NCOA3: variants seen among roughly 807,000 people sequenced by gnomAD.
NCOA3 encodes the protein nuclear receptor coactivator 3.
In NCOA3, 51 loss-of-function variants were observed where a neutral mutation model predicts 158.8. The observed-to-expected ratio is 0.32, with a 90% CI of 0.26 to 0.41. The LOEUF is 0.41. NCOA3 is among the 10% of genes least tolerant of loss of function. The pLI, the probability that NCOA3 is intolerant of heterozygous loss-of-function variation, is 1.00. For missense variants in NCOA3, 1,510 were observed against 1,746.6 expected (o/e 0.86, Z 2.41); for synonymous variants, 537 against 592.4 (o/e 0.91, Z 1.36).
intron 1 of NCOA3, among the ~76,000 whole-genome samples, chr20:47,505,489 T>C (rs2084017711): frequency 6.6e-6 from 1 of 152,120 alleles, no homozygotes; most frequent in Non-Finnish European, 1.5e-5. Flanking sequence ...AACAGCAAAT[T>C]TGTCACAATT....
At chr20:47,507,038 T>G (rs1160369620) in intron 1 of NCOA3, among the ~76,000 whole-genome samples, 1 of 152,198 alleles carries the variant, frequency 6.6e-6, no homozygotes, top group Non-Finnish European at 1.5e-5. Context: ...CCTGGGGCTT[T>G]GCTTTGGTGG....
In NCOA3 at chr20:47,653,731, C is replaced by A; in HGVS notation, c.*314C>A. The A allele has an allele frequency of 2.7e-6, 1 of 376,782 alleles. No individual in the cohort carries two copies. Among genetic ancestry groups the A allele is most frequent in the Non-Finnish European group, 4.7e-6 (1 of 211,612 alleles). 23.3% of individuals were successfully genotyped at this position (376,782 alleles called of 1,614,324 possible). ...TACTGATCATAAAACTTTTGTGTCACTTTTTTCTGCCTTGCTAGCCAAAAT... is the reference window on the plus strand; with the variant it reads ...TACTGATCATAAAACTTTTGTGTCAATTTTTTCTGCCTTGCTAGCCAAAAT... On this transcript the variant is annotated 3_prime_UTR_variant, in exon 23 of 23. Coordinates refer to ENST00000371998, the MANE Select transcript of NCOA3 (RefSeq NM_181659.3).
intron 16 of NCOA3, 74 bp from the exon 17 acceptor site, chr20:47,642,139 G>T: frequency 9.2e-7 from 1 of 1,081,892 alleles, no homozygotes; most frequent in Non-Finnish European, 1.3e-6. Context: ...AAAATACTAT[G>T]CATGGTTGCT....
chr20:47,582,547 TG>T (rs1555807418), intron 1 of NCOA3, among the ~76,000 whole-genome samples: 1 of 151,862 alleles, frequency 6.6e-6, no homozygotes, highest in Non-Finnish European at 1.5e-5. Flanking sequence ...TTTTTTTGTG[TG>T]TGGAGATGGT....
intron 2 of NCOA3, among the ~76,000 whole-genome samples, chr20:47,588,233 C>T (rs1373949899): frequency 7.3e-6 from 1 of 136,216 alleles, no homozygotes; most frequent in Non-Finnish European, 1.5e-5. Flanking sequence ...CTTCTGGGTT[C>T]ATGGGATTCT....
At position 47,627,690 on chromosome 20, in the gene NCOA3, A is replaced by G. The variant is rs2086345234; in HGVS notation, c.662A>G (p.Tyr221Cys). 6.2e-7 allele frequency: 1 copy of G among 1,614,222 alleles called. No individual in the cohort carries two copies. The highest frequency in any genetic ancestry group is 8.5e-7 in the Non-Finnish European group (1 of 1,180,032). ...GCCAGTCCTGAAATGCGCCAGAGAT[A>G]TGAAACAATGCAGTGCTTTGCCCTG... The part of the protein sequence containing the change: ...INASPEMRQR[Y>C]ETMQCFALSQ... The change falls in exon 7 of 23, where the codon TAT (tyrosine) becomes TGT (cysteine). Residue 221 changes from tyrosine (Y) to cysteine (C), a missense_variant. Coordinates refer to ENST00000371998, the MANE Select transcript of NCOA3 (RefSeq NM_181659.3).
intron 2 of NCOA3, among the ~76,000 whole-genome samples, chr20:47,585,904 T>C (rs972773277): frequency 6.6e-6 from 1 of 151,546 alleles, no homozygotes; most frequent in Non-Finnish European, 1.5e-5. Context: ...CTTCTGAACA[T>C]GGCAGAGAAC....
rs554389573 is a variant in NCOA3 at position 47,565,109 on chromosome 20, G to T, written c.-98-18074G>T. Among the ~76,000 whole-genome samples the T allele has an allele frequency of 3.9e-5, 6 of 152,210 alleles. No individual in the cohort carries two copies. In the South Asian group the frequency reaches 1.0e-3, roughly 26 times the overall value. On this transcript the variant is annotated intron_variant, in intron 1 of 22. Transcript: ENST00000371998. ...CAATTCTCCTGCCTCAGCCTCCAGA[G>T]TAGCTGGGATTACAGGCATGTGCCA...
At chr20:47,609,722 C>T (rs1189243855) in intron 2 of NCOA3, among the ~76,000 whole-genome samples, 3 of 150,168 alleles carry the variant, frequency 2.0e-5, no homozygotes, top group African/African-American at 7.4e-5. Flanking sequence ...GGGCGAGACT[C>T]CGTCTCAAAA....
chr20:47,631,212 T>A (rs2086411900), intron 8 of NCOA3: 1 of 152,256 alleles, frequency 6.6e-6, no homozygotes, highest in African/African-American at 2.4e-5. Context: ...CTGAATTTTC[T>A]AAGGGCAGTT....
chr20:47,576,624 A>G (rs1434340350), intron 1 of NCOA3, among the ~76,000 whole-genome samples: 1 of 152,228 alleles, frequency 6.6e-6, no homozygotes, highest in Non-Finnish European at 1.5e-5. Context: ...CTTAAAAAAA[A>G]TAAAAAGAAG....
At chr20:47,549,818 A>C in intron 1 of NCOA3, among the ~76,000 whole-genome samples, 1 of 152,084 alleles carries the variant, frequency 6.6e-6, no homozygotes, top group South Asian at 2.1e-4. Context: ...CTCCCACCTT[A>C]GCTTCTTAAA....
In NCOA3 at chr20:47,651,119, GCAA is replaced by G. The variant is rs112826888; in HGVS notation, c.3792_3794del (p.Gln1276del). On this transcript the variant is annotated inframe_deletion, in exon 20 of 23. Coordinates refer to ENST00000371998, the MANE Select transcript of NCOA3 (RefSeq NM_181659.3). ...AGCAGCAGCAGCAGCAGCAGCAGCAGCAACAGCAACAGCAACAGCAACAGCAGC... is the reference window on the plus strand; with the variant it reads ...AGCAGCAGCAGCAGCAGCAGCAGCAGCAGCAACAGCAACAGCAACAGCAGC... 0.01 allele frequency: 13,208 copies of G among 1,280,524 alleles called. 817 individuals are homozygous for G. The African/African-American group carries it at 0.18, about 17-fold the overall frequency. The allele number at this position is 1,280,524 out of a possible 1,614,324, so 79.3% of individuals were successfully genotyped here.
intron 1 of NCOA3, among the ~76,000 whole-genome samples, chr20:47,550,290 C>CAA (rs2084908398): frequency 6.6e-6 from 1 of 151,518 alleles, no homozygotes; most frequent in Admixed American, 6.6e-5. Flanking sequence ...ACTAAAAATA[C>CAA]AAAATTAGTC....
At chr20:47,639,496 T>C (rs981045974) in intron 14 of NCOA3, 81 bp from the exon 15 acceptor site, 13 of 1,535,288 alleles carry the variant, frequency 8.5e-6, no homozygotes, top group Non-Finnish European at 1.1e-5. Context: ...GTTGATGTTG[T>C]GTATAATGGC....
intron 2 of NCOA3, among the ~76,000 whole-genome samples, chr20:47,607,939 T>G (rs908509443): frequency 4.6e-5 from 7 of 152,232 alleles, no homozygotes; most frequent in African/African-American, 1.7e-4. Flanking sequence ...TGTTTTTAAT[T>G]ATTTTATAAT....
rs144150194 is a variant in NCOA3 at position 47,626,789 on chromosome 20, G to T, written c.358-213G>T. Among the ~76,000 whole-genome samples the T allele has an allele frequency of 8.5e-5, 13 of 152,218 alleles. No homozygotes were observed. In the East Asian group the frequency reaches 2.5e-3, roughly 29 times the overall value. The stretch of plus-strand genomic sequence containing the variant: ...TCTCCCATGGCCTTTTTCTCTGCGT[G>T]CACATTCCTGGTGTCTTTCTCTCCC... On this transcript the variant is annotated intron_variant, in intron 5 of 22. Transcript: ENST00000371998.
rs2086283170 is a variant in NCOA3, at chr20:47,624,003, T to C, written c.176T>C (p.Ile59Thr). ...AELISANLSDIDNFNVKPDKC... is the reference protein window; with the variant it reads ...AELISANLSDTDNFNVKPDKC... ...CTGATATCTGCCAATCTTAGTGATATTGACAATTTCAATGTCAAACCAGAT... is the reference window on the plus strand; with the variant it reads ...CTGATATCTGCCAATCTTAGTGATACTGACAATTTCAATGTCAAACCAGAT... The change falls in exon 4 of 23, where the codon ATT becomes ACT. Residue 59 changes from isoleucine to threonine, a missense_variant. By Grantham distance (89) the Ile-to-Thr change is moderately conservative. Transcript: ENST00000371998. 1.2e-6 allele frequency: 2 copies of C among 1,613,390 alleles called. No individual in the cohort carries two copies. Among genetic ancestry groups the C allele is most frequent in the African/African-American group, 1.3e-5 (1 of 74,988 alleles).
chr20:47,553,439 G>T (rs1336504101), intron 1 of NCOA3, among the ~76,000 whole-genome samples: 1 of 151,458 alleles, frequency 6.6e-6, no homozygotes, highest in Non-Finnish European at 1.5e-5. Context: ...GGGTACATGT[G>T]CACAATGTGC....
Sources: allele counts gnomAD v4.1 joint callset (sites outside exome capture counted in the v4.1 genomes callset), GRCh38; gene constraint gnomAD v4.1.1; transcripts MANE v1.5; gene names NCBI Gene and HGNC (gene_info 2026-07-23, HGNC 2026-07-21).